Variants in PXDNL observed in about 807,000 individuals in gnomAD.
PXDNL encodes the protein probable oxidoreductase PXDNL.
Under a neutral mutation model 150.8 loss-of-function variants are expected in PXDNL, and 145 were observed. The observed-to-expected ratio is 0.96, with a 90% CI of 0.84 to 1.10. The LOEUF (loss-of-function observed/expected upper bound fraction) is 1.10, where lower values mean the gene tolerates loss of function less well. Among genes scored for constraint, PXDNL ranks in the 50% least tolerant of loss-of-function variants. PXDNL has a pLI of 0.00. For missense variants in PXDNL, 2,087 were observed against 1,873.9 expected, an observed-to-expected ratio of 1.11 and a Z score of -2.10; for synonymous variants, 757 against 725.7, an observed-to-expected ratio of 1.04 and a Z score of -0.69.
intron 12 of PXDNL, chr8:51,436,524 A>G (rs1026498762): frequency 7.8e-6 from 2 of 255,374 alleles, no homozygotes; most frequent in Admixed American, 9.4e-5. Flanking sequence ...TTCAGACCAC[A>G]GTGGAATAAA....
chr8:51,714,336 G>A lies in PXDNL; in HGVS notation c.165-59576C>T, dbSNP rs563178327. Among the ~76,000 whole-genome samples, 12 of 152,242 alleles carry A rather than the reference G, an allele frequency of 7.9e-5. No homozygotes were observed. The South Asian group carries it at 8.3e-4, about 11-fold the overall frequency. ...TTCTCTGTTTTAGTAATATTGCTGC[G>A]CTATTATCCACCATCTTCATTTCAT... On this transcript the variant is annotated intron_variant, in intron 1 of 22. Transcript: ENST00000356297.
chr8:51,369,295 G>A (rs79815962), intron 19 of PXDNL, among the ~76,000 whole-genome samples: 2,728 of 152,180 alleles, frequency 0.018, 30 homozygotes, highest in Non-Finnish European at 0.026. Context: ...CTGAAACTAC[G>A]GAGCCACAGT....
At chr8:51,487,877 C>T (rs1417995944) in intron 5 of PXDNL, among the ~76,000 whole-genome samples, 1 of 152,134 alleles carries the variant, frequency 6.6e-6, no homozygotes, top group Non-Finnish European at 1.5e-5. Flanking sequence ...CACAAAGGCG[C>T]TTTTGTCAAA....
intron 3 of PXDNL, among the ~76,000 whole-genome samples, chr8:51,579,637 T>C (rs1813161996): frequency 6.6e-6 from 1 of 152,064 alleles, no homozygotes; most frequent in African/African-American, 2.4e-5. Flanking sequence ...AAAATAGTTG[T>C]GTAAATTTTT....
At chr8:51,369,859 A>G (rs930790160) in intron 19 of PXDNL, among the ~76,000 whole-genome samples, 1 of 152,188 alleles carries the variant, frequency 6.6e-6, no homozygotes, top group Non-Finnish European at 1.5e-5. Context: ...TGCATTTTCC[A>G]TAACAAACAT....
chr8:51,790,124 C>T (rs2037496810), intron 1 of PXDNL, among the ~76,000 whole-genome samples: 1 of 151,420 alleles, frequency 6.6e-6, no homozygotes, highest in Non-Finnish European at 1.5e-5. Context: ...CACAGTATGA[C>T]TGTATGGGAA....
chr8:51,501,510 TCACA>T (rs542290384), intron 4 of PXDNL, among the ~76,000 whole-genome samples: 2 of 151,218 alleles, frequency 1.3e-5, no homozygotes, highest in Non-Finnish European at 3.0e-5. Flanking sequence ...TCGTGCACAC[TCACA>T]CTTGTTCACA....
At chr8:51,385,351 T>C (rs1024469478) in intron 17 of PXDNL, among the ~76,000 whole-genome samples, 1 of 152,136 alleles carries the variant, frequency 6.6e-6, no homozygotes, top group Admixed American at 6.5e-5. Flanking sequence ...AAAAACACTT[T>C]CCACTGTGTA....
chr8:51,756,802 T>C (rs1391124160), intron 1 of PXDNL, among the ~76,000 whole-genome samples: 2 of 152,196 alleles, frequency 1.3e-5, no homozygotes, highest in Admixed American at 1.3e-4. Context: ...TTGTTTTTTT[T>C]TAATCTGTAC....
intron 17 of PXDNL, among the ~76,000 whole-genome samples, chr8:51,388,601 CAA>C (rs1369944585): frequency 6.6e-6 from 1 of 152,136 alleles, no homozygotes; most frequent in African/African-American, 2.4e-5. Flanking sequence ...TGTGAGGACT[CAA>C]GTCTTTCTTC....
At chr8:51,588,990 G>C (rs929276952) in intron 3 of PXDNL, among the ~76,000 whole-genome samples, 31 of 152,190 alleles carry the variant, frequency 2.0e-4, no homozygotes, top group African/African-American at 7.5e-4. Flanking sequence ...AGACCTTTAA[G>C]AGGTGATTAG....
rs187387707 is a variant in PXDNL at position 51,452,123 on chromosome 8, G to A, written c.1249+1396C>T. ...GAAAAAGCTGAGAAACAAAAGCCTA[G>A]CACAGTGTGGAATACAGGCAACCAC... On this transcript the variant is annotated intron_variant, in intron 10 of 22. Coordinates refer to ENST00000356297, the MANE Select transcript of PXDNL (RefSeq NM_144651.5). Among the ~76,000 whole-genome samples the A allele has an allele frequency of 9.8e-5, 15 of 152,338 alleles. No individual in the cohort carries two copies. The East Asian group carries it at 2.3e-3, about 24-fold the overall frequency.
intron 19 of PXDNL, among the ~76,000 whole-genome samples, chr8:51,362,298 T>G (rs74959543): frequency 0.011 from 1,620 of 152,302 alleles, 24 homozygotes; most frequent in African/African-American, 0.037. Context: ...CTCTATTCCT[T>G]AATGGGCTCC....
chr8:51,783,098 TA>T (rs2037430725), intron 1 of PXDNL, among the ~76,000 whole-genome samples: 1 of 152,206 alleles, frequency 6.6e-6, no homozygotes, highest in Admixed American at 6.5e-5. Flanking sequence ...TCCTCCTGGG[TA>T]AAAAGTGTCA....
At chr8:51,410,944 T>G (rs1808621761) in intron 16 of PXDNL, among the ~76,000 whole-genome samples, 1 of 152,190 alleles carries the variant, frequency 6.6e-6, no homozygotes. Flanking sequence ...ATAAAGCATT[T>G]CTCTATAAGA....
At chr8:51,608,010 A>AAAGAAAGAAAGAGAAAGAAAGAAAG (rs1563481610) in intron 2 of PXDNL, among the ~76,000 whole-genome samples, 3 of 58,782 alleles carry the variant, frequency 5.1e-5, no homozygotes, top group African/African-American at 3.7e-4. Context: ...AGGAAGAAAG[A>AAAGAAAGAAAGAGAAAGAAAGAAAG]AAGAAAGAAA....
chr8:51,661,980 C>T (rs959466738), intron 1 of PXDNL, among the ~76,000 whole-genome samples: 2 of 151,800 alleles, frequency 1.3e-5, no homozygotes, highest in Non-Finnish European at 1.5e-5. Context: ...AAAAGTTCTT[C>T]TATCTAGCGT....
chr8:51,581,357 C>T (rs1181941550), intron 3 of PXDNL, among the ~76,000 whole-genome samples: 16 of 151,936 alleles, frequency 1.1e-4, no homozygotes, highest in Non-Finnish European at 2.4e-4. Context: ...GGCATGGTGG[C>T]ATGTGTCTGT....
At chr8:51,530,604 T>TA (rs1811878164) in intron 4 of PXDNL, among the ~76,000 whole-genome samples, 1 of 152,188 alleles carries the variant, frequency 6.6e-6, no homozygotes, top group Non-Finnish European at 1.5e-5. Flanking sequence ...CTCACCCCAG[T>TA]ACAGCACATC....
Sources: allele counts gnomAD v4.1 joint callset (sites outside exome capture counted in the v4.1 genomes callset), GRCh38; gene constraint gnomAD v4.1.1; transcripts MANE v1.5; gene names NCBI Gene and HGNC (gene_info 2026-07-23, HGNC 2026-07-21).